The following SDK1 variants were observed in gnomAD, a reference collection of about 807,000 sequenced individuals.
SDK1 encodes sidekick cell adhesion molecule 1, also known as protein sidekick-1.
In SDK1, 157 loss-of-function variants were observed where a neutral mutation model predicts 245.5. The ratio of observed to expected loss-of-function variants is 0.64; its 90% CI spans 0.56 to 0.73. The LOEUF (loss-of-function observed/expected upper bound fraction) is 0.73. SDK1 is among the 30% of genes least tolerant of loss of function. SDK1 has a pLI of 0.00. For missense variants in SDK1, 3,583 were observed against 3,002.3 expected, an observed-to-expected ratio of 1.19 and a Z score of -4.52; for synonymous variants, 1,647 against 1,278.5, an observed-to-expected ratio of 1.29 and a Z score of -6.15.
At chr7:3,551,539 C>G (rs1187759842) in intron 1 of SDK1, among the ~76,000 whole-genome samples, 2 of 151,544 alleles carry the variant, frequency 1.3e-5, no homozygotes, top group Non-Finnish European at 2.9e-5. Context: ...AAACTGAAAG[C>G]TTGCTTTGCT....
In SDK1 at chr7:3,821,581, C is replaced by T; in HGVS notation, c.845C>T (p.Ala282Val). Residue 282 changes from alanine to valine, a missense_variant and splice_region_variant, in exon 5 of 45, where the codon GCA (alanine) becomes GTA (valine). Coordinates refer to ENST00000404826, the MANE Select transcript of SDK1 (RefSeq NM_152744.4). ...AGCCCATTCATTCATTTGAGCATAG[C>T]AAGTGAGTTTTGAAATCCCAAATGG... is the stretch of plus-strand genomic sequence containing the variant. ...KTSPFIHLSI[A>V]RDVGTPETMA... 1 of 1,612,090 alleles carries T rather than the reference C, an allele frequency of 6.2e-7. No homozygotes were observed. The highest frequency in any genetic ancestry group is 8.5e-7 in the Non-Finnish European group (1 of 1,179,290).
chr7:3,756,913 G>A (rs964053405), intron 4 of SDK1, among the ~76,000 whole-genome samples: 2 of 152,126 alleles, frequency 1.3e-5, no homozygotes, highest in Non-Finnish European at 2.9e-5. Context: ...CTGGCGATGC[G>A]AACCTTGACC....
In SDK1 at chr7:4,268,441, A is replaced by T. The variant is rs1562539; in HGVS notation, c.*3057A>T. On this transcript the variant is annotated 3_prime_UTR_variant, in exon 45 of 45. Transcript: ENST00000404826. ...CAGCCTCGCCTTCAGCCTCTCTCCC[A>T]GCCTGCTTTTATAAGGCGCACTTCA... 6 of 1,130,256 alleles carry T rather than the reference A, an allele frequency of 5.3e-6. No homozygotes were observed. In the South Asian group the frequency reaches 7.5e-5, roughly 14 times the overall value. The allele number at this position is 1,130,256 out of a possible 1,614,324, so 70.0% of individuals were successfully genotyped here.
chr7:4,143,944 G>A (rs916057820), intron 28 of SDK1, among the ~76,000 whole-genome samples: 2 of 152,192 alleles, frequency 1.3e-5, no homozygotes, highest in Non-Finnish European at 2.9e-5. Context: ...CAGTGTAGCC[G>A]CTGTGGTCAC....
chr7:3,716,998 A>G (rs1362842267), intron 4 of SDK1, among the ~76,000 whole-genome samples: 1 of 152,260 alleles, frequency 6.6e-6, no homozygotes, highest in South Asian at 2.1e-4. Flanking sequence ...TTGAAGAAAA[A>G]AAATTTAATT....
intron 9 of SDK1, among the ~76,000 whole-genome samples, chr7:3,964,265 G>A (rs1181947241): frequency 6.6e-6 from 1 of 152,192 alleles, no homozygotes; most frequent in Non-Finnish European, 1.5e-5. Context: ...AAACTGCTGA[G>A]GCCCACAAGC....
At chr7:3,640,510 T>C (rs1782614149) in intron 3 of SDK1, among the ~76,000 whole-genome samples, 3 of 152,248 alleles carry the variant, frequency 2.0e-5, no homozygotes. Flanking sequence ...TGTTGCAGAA[T>C]AATTGAGAAC....
In SDK1 at chr7:4,265,480, T is replaced by C; in HGVS notation, c.*96T>C. The C allele has an allele frequency of 7.3e-7, 1 of 1,369,290 alleles. No individual in the cohort carries two copies. The highest frequency in any genetic ancestry group is 9.4e-7 in the Non-Finnish European group (1 of 1,069,372). 84.8% of individuals were successfully genotyped at this position (1,369,290 alleles called of 1,614,324 possible). ...AACTCCAATAACTGAGCTGAAGTTTTTGTTTAAAAAGAAAAAAATCTGATA... is the reference window on the plus strand; with the variant it reads ...AACTCCAATAACTGAGCTGAAGTTTCTGTTTAAAAAGAAAAAAATCTGATA... On this transcript the variant is annotated 3_prime_UTR_variant, in exon 45 of 45. Transcript: ENST00000404826.
At chr7:3,742,444 A>G (rs1305475801) in intron 4 of SDK1, among the ~76,000 whole-genome samples, 2 of 152,104 alleles carry the variant, frequency 1.3e-5, no homozygotes, top group East Asian at 3.9e-4. Flanking sequence ...ATTACTGGAG[A>G]TGAGAGGACA....
Position 4,228,987 on chromosome 7 carries a change from C to T in SDK1, c.5828-4268C>T, listed in dbSNP as rs557099059. Among the ~76,000 whole-genome samples, 11 of 152,290 alleles carry T rather than the reference C, an allele frequency of 7.2e-5. No homozygotes were observed. In the South Asian group the frequency reaches 1.5e-3, roughly 20 times the overall value. ...AGAATTGCCTTTAAAAAGGATGAGG[C>T]CCTGCTGTCCTCTCGAGTGTTGACT... On this transcript the variant is annotated intron_variant, in intron 40 of 44. Coordinates refer to ENST00000404826, the MANE Select transcript of SDK1 (RefSeq NM_152744.4).
intron 5 of SDK1, among the ~76,000 whole-genome samples, chr7:3,889,370 A>G (rs1398833966): frequency 1.3e-5 from 2 of 152,240 alleles, no homozygotes; most frequent in African/African-American, 2.4e-5. Flanking sequence ...CTCCCAGGAC[A>G]GTGAATGAAG....
At chr7:4,248,569 T>A (rs1787067822) in intron 44 of SDK1, among the ~76,000 whole-genome samples, 1 of 151,894 alleles carries the variant, frequency 6.6e-6, no homozygotes, top group Non-Finnish European at 1.5e-5. Context: ...CCTATACACC[T>A]GAATACATGC....
intron 4 of SDK1, among the ~76,000 whole-genome samples, chr7:3,806,941 G>T (rs1340499527): frequency 2.0e-5 from 3 of 152,086 alleles, no homozygotes; most frequent in Non-Finnish European, 2.9e-5. Context: ...TATTGTTGTG[G>T]TTAATAATGT....
chr7:3,537,876 C>G (rs1056650656), intron 1 of SDK1, among the ~76,000 whole-genome samples: 1 of 152,188 alleles, frequency 6.6e-6, no homozygotes, highest in Non-Finnish European at 1.5e-5. Context: ...TCCAGGTAAT[C>G]TCCCTGTTTT....
intron 5 of SDK1, among the ~76,000 whole-genome samples, chr7:3,859,440 T>C (rs569151461): frequency 1.3e-5 from 2 of 152,276 alleles, no homozygotes; most frequent in East Asian, 3.9e-4. Context: ...GTTTTGGTTT[T>C]TTTTTCAGTA....
intron 4 of SDK1, among the ~76,000 whole-genome samples, chr7:3,702,210 C>G (rs956665235): frequency 6.6e-6 from 1 of 152,132 alleles, no homozygotes; most frequent in East Asian, 1.9e-4. Context: ...CTGTAATAAA[C>G]TATTTCTAAG....
chr7:4,005,962 C>T (rs563849254), intron 14 of SDK1, among the ~76,000 whole-genome samples: 23 of 136,324 alleles, frequency 1.7e-4, no homozygotes, highest in African/African-American at 6.0e-4. Context: ...TGGAAAAGAA[C>T]ATGACTAAGG....
intron 22 of SDK1, among the ~76,000 whole-genome samples, chr7:4,089,130 G>A (rs949022970): frequency 3.3e-4 from 49 of 149,700 alleles, no homozygotes; most frequent in African/African-American, 1.2e-3. Context: ...CCCTCCCTCA[G>A]GCGGAGGTGA....
At chr7:3,721,234 A>T (rs1173991959) in intron 4 of SDK1, among the ~76,000 whole-genome samples, 3 of 152,088 alleles carry the variant, frequency 2.0e-5, no homozygotes, top group African/African-American at 4.8e-5. Context: ...AATTGCATAG[A>T]GTGTATTTAC....
Sources: gnomAD v4.1 joint callset for allele counts (sites outside exome capture counted in the v4.1 genomes callset) on GRCh38, gnomAD v4.1.1 for gene constraint, MANE v1.5 for transcripts, NCBI Gene and HGNC (gene_info 2026-07-23, HGNC 2026-07-21) for gene names.